The following ZRANB3 variants were observed in gnomAD, a reference collection of about 807,000 sequenced individuals.
ZRANB3 encodes DNA annealing helicase and endonuclease ZRANB3.
In ZRANB3, 125 loss-of-function variants were observed where a neutral mutation model predicts 133.8. The observed-to-expected ratio is 0.93, with a 90% CI of 0.81 to 1.08. The LOEUF (loss-of-function observed/expected upper bound fraction) is 1.08, where lower values mean the gene tolerates loss of function less well. ZRANB3 is among the 50% of genes least tolerant of loss of function. The probability of loss-of-function intolerance (pLI) is 0.00; values close to 1 mark genes in which losing one functional copy is unlikely to be tolerated. For synonymous variants in ZRANB3, 387 were observed against 432.7 expected (o/e 0.89, Z 1.31); for missense variants, 1,229 against 1,275.5 (o/e 0.96, Z 0.56).
At chr2:135,219,964 T>C (rs1694470071) in intron 15 of ZRANB3, among the ~76,000 whole-genome samples, 2 of 152,146 alleles carry the variant, frequency 1.3e-5, no homozygotes, top group Middle Eastern at 3.4e-3. Context: ...CTCAACGTCC[T>C]GGGCCCAGGT....
At chr2:135,270,544 A>G (rs897686148) in intron 10 of ZRANB3, among the ~76,000 whole-genome samples, 4 of 152,088 alleles carry the variant, frequency 2.6e-5, no homozygotes, top group African/African-American at 9.7e-5. Context: ...GCACCTCCCC[A>G]GCTCTAAGTA....
chr2:135,265,871 A>G (rs1680216350), intron 11 of ZRANB3, among the ~76,000 whole-genome samples, 185 bp from the exon 12 acceptor site: 2 of 152,184 alleles, frequency 1.3e-5, no homozygotes, highest in South Asian at 2.1e-4. Context: ...AAGCCTCCCA[A>G]CCAACTTAAT....
At chr2:135,410,760 G>A (rs1011832737) in intron 2 of ZRANB3, among the ~76,000 whole-genome samples, 5 of 149,632 alleles carry the variant, frequency 3.3e-5, no homozygotes, top group African/African-American at 4.9e-5. Flanking sequence ...GAACTGGAAC[G>A]AATCAACAAG....
chr2:135,418,925 CTTTTTTT>C (rs769271961), intron 2 of ZRANB3, among the ~76,000 whole-genome samples: 5,822 of 85,946 alleles, frequency 0.068, 197 homozygotes, highest in Middle Eastern at 0.28. Context: ...AGGATTCTCT[CTTTTTTT>C]TTTTTTTTTT....
At chr2:135,234,211 T>C (rs1187219718) in intron 12 of ZRANB3, among the ~76,000 whole-genome samples, 1 of 152,148 alleles carries the variant, frequency 6.6e-6, no homozygotes, top group Non-Finnish European at 1.5e-5. Context: ...CATTACATAA[T>C]GGTAAAGGGA....
chr2:135,475,147 T>C (rs1168461164), intron 2 of ZRANB3, among the ~76,000 whole-genome samples: 1 of 152,118 alleles, frequency 6.6e-6, no homozygotes, highest in Non-Finnish European at 1.5e-5. Context: ...ACTTACCCAG[T>C]AGCCAGTTTT....
chr2:135,414,727 A>C (rs1688475139), intron 2 of ZRANB3, among the ~76,000 whole-genome samples: 2 of 152,152 alleles, frequency 1.3e-5, no homozygotes, highest in African/African-American at 4.8e-5. Context: ...CAGCAAATGT[A>C]AAAGAACAGA....
intron 10 of ZRANB3, among the ~76,000 whole-genome samples, chr2:135,270,607 GTC>G (rs1558876038): frequency 1.3e-5 from 2 of 152,112 alleles, no homozygotes; most frequent in African/African-American, 4.8e-5. Context: ...GGCTGGAACA[GTC>G]TAACAGATAA....
At chr2:135,422,078 T>C (rs1288347952) in intron 2 of ZRANB3, among the ~76,000 whole-genome samples, 3 of 152,152 alleles carry the variant, frequency 2.0e-5, no homozygotes, top group Non-Finnish European at 2.9e-5. Flanking sequence ...ATCACATTTT[T>C]ATCTGCCTGC....
intron 2 of ZRANB3, among the ~76,000 whole-genome samples, chr2:135,479,056 C>T (rs915494506): frequency 6.6e-6 from 1 of 151,778 alleles, no homozygotes; most frequent in Non-Finnish European, 1.5e-5. Flanking sequence ...ATTTCCCCTT[C>T]TAACAATAGT....
chr2:135,379,032 T>TTAA lies in ZRANB3; in HGVS notation c.180+11767_180+11769dup. Among the ~76,000 whole-genome samples, 3 of 152,246 alleles carry TTAA rather than the reference T, an allele frequency of 2.0e-5. No individual in the cohort carries two copies. The Middle Eastern group carries it at 0.01, about 518-fold the overall frequency. On this transcript the variant is annotated intron_variant, in intron 3 of 20. Coordinates refer to ENST00000264159, the MANE Select transcript of ZRANB3 (RefSeq NM_032143.4). ...AACCTGCATAAAGTATGGTCTTCAGTTAATAATAATATATGAATATTGGCT... is the reference window on the plus strand; with the variant it reads ...AACCTGCATAAAGTATGGTCTTCAGTTAATAATAATAATATATGAATATTGGCT...
intron 1 of ZRANB3, chr2:135,510,954 G>A: frequency 1.2e-6 from 1 of 816,326 alleles, no homozygotes; most frequent in Non-Finnish European, 2.2e-6. Flanking sequence ...CACTCTTTGG[G>A]GTTCAATGTC....
intron 9 of ZRANB3, among the ~76,000 whole-genome samples, chr2:135,275,338 C>G (rs1016275391): frequency 7.0e-6 from 1 of 142,378 alleles, no homozygotes; most frequent in Non-Finnish European, 1.5e-5. Flanking sequence ...GCTGGCCAGG[C>G]GGGGGCTGAC....
intron 6 of ZRANB3, among the ~76,000 whole-genome samples, chr2:135,316,446 C>T (rs1240403075): frequency 6.6e-6 from 1 of 152,060 alleles, no homozygotes; most frequent in African/African-American, 2.4e-5. Context: ...GTCCATACTA[C>T]CCACTACTGA....
intron 4 of ZRANB3, among the ~76,000 whole-genome samples, chr2:135,353,041 G>A (rs975412910): frequency 1.3e-5 from 2 of 152,030 alleles, no homozygotes; most frequent in African/African-American, 2.4e-5. Flanking sequence ...CACAAAACTT[G>A]CATATTAATT....
chr2:135,527,174 A>G (rs1019800027), intron 1 of ZRANB3, among the ~76,000 whole-genome samples: 19 of 152,212 alleles, frequency 1.2e-4, no homozygotes, highest in African/African-American at 4.6e-4. Flanking sequence ...AAATCTCCTC[A>G]TATTTTACAG....
chr2:135,231,773 G>T (rs1345584836), intron 12 of ZRANB3, among the ~76,000 whole-genome samples: 1 of 151,790 alleles, frequency 6.6e-6, no homozygotes, highest in East Asian at 1.9e-4. Flanking sequence ...AGGCAAAGGA[G>T]TGAGACCCTG....
chr2:135,516,181 G>C (rs1428518243), intron 1 of ZRANB3, among the ~76,000 whole-genome samples: 1 of 151,344 alleles, frequency 6.6e-6, no homozygotes, highest in African/African-American at 2.4e-5. Context: ...GTGTGTCTTT[G>C]CACGTGAGAT....
At chr2:135,383,486 C>T (rs546014038) in intron 3 of ZRANB3, among the ~76,000 whole-genome samples, 113 of 152,208 alleles carry the variant, frequency 7.4e-4, no homozygotes, top group Admixed American at 2.7e-3. Context: ...CAGCTCTGCA[C>T]CAAGCGGACC....
Sources: gnomAD v4.1 joint callset for allele counts (sites outside exome capture counted in the v4.1 genomes callset) on GRCh38, gnomAD v4.1.1 for gene constraint, MANE v1.5 for transcripts, NCBI Gene and HGNC (gene_info 2026-07-23, HGNC 2026-07-21) for gene names.